Variants in OR1A1 observed in about 807,000 individuals in gnomAD.
OR1A1 encodes olfactory receptor 1A1.
For missense variants in OR1A1, 391 were observed against 379.9 expected (o/e 1.03, Z -0.24); for synonymous variants, 145 against 147.8 (o/e 0.98, Z 0.13).
At chr17:3,214,976 T>A (rs1260683895) in intron 3 of OR1A1, 1 of 152,290 alleles carries the variant, frequency 6.6e-6, no homozygotes, top group African/African-American at 2.4e-5. Flanking sequence ...AATGCACTGG[T>A]CCCTGTGATT....
intron 2 of OR1A1, 110 bp from the exon 3 acceptor site, chr17:3,212,357 T>C (rs1303855021): frequency 1.3e-5 from 2 of 152,186 alleles, no homozygotes; most frequent in East Asian, 3.9e-4. Context: ...TTTATTCTTG[T>C]TTCTCACACT....
Position 3,216,128 on chromosome 17 carries a change from G to C in OR1A1, c.508G>C (p.Gly170Arg), listed in dbSNP as rs1231635798. Reference protein sequence around the residue: ...TLLTASLSFCGNQEVANFYCD... With the variant: ...TLLTASLSFCRNQEVANFYCD... The stretch of plus-strand genomic sequence containing the variant: ...GCTCACAGCTAGTCTGTCCTTCTGT[G>C]GCAACCAGGAAGTGGCCAACTTCTA... Residue 170 changes from glycine to arginine, a missense_variant, in exon 4 of 4, where the codon GGC becomes CGC. Physicochemically the swap from Gly to Arg is moderately radical, Grantham distance 125. Transcript: ENST00000641732. 1 of 1,614,102 alleles carries C rather than the reference G, an allele frequency of 6.2e-7. No homozygotes were observed. The highest frequency in any genetic ancestry group is 2.2e-5 in the East Asian group (1 of 44,882).
rs371525752 is a variant in OR1A1 at position 3,216,357 on chromosome 17, T to C, written c.737T>C (p.Val246Ala). 1.1e-5 allele frequency: 17 copies of C among 1,614,104 alleles called. No homozygotes were observed. In the African/African-American group the frequency reaches 2.0e-4, roughly 19 times the overall value. ...TCCACCTGTGGTTCCCACCTCACGG[T>C]TGTCTCTTTGTATTATGGTACAGTC... ...AFSTCGSHLT[V>A]VSLYYGTVMG... Residue 246 changes from valine (V) to alanine (A), a missense_variant, in exon 4 of 4, where the codon GTT becomes GCT. Val to Ala is a moderately conservative substitution (Grantham distance 64, BLOSUM62 0). Transcript: ENST00000641732.
rs1281598928 is a variant in OR1A1, at chr17:3,216,363, C to G, written c.743C>G (p.Ser248Cys). The change falls in exon 4 of 4, where the codon TCT (serine) becomes TGT (cysteine). Residue 248 changes from serine (S) to cysteine (C), a missense_variant. Transcript: ENST00000641732. ...TGTGGTTCCCACCTCACGGTTGTCT[C>G]TTTGTATTATGGTACAGTCATGGGC... ...STCGSHLTVV[S>C]LYYGTVMGTY... 6.2e-7 allele frequency: 1 copy of G among 1,614,176 alleles called. No homozygotes were observed. The highest frequency in any genetic ancestry group is 1.3e-5 in the African/African-American group (1 of 75,036).
At position 3,215,845 on chromosome 17, in the gene OR1A1, G is replaced by A. The variant is rs113780617; in HGVS notation, c.225G>A (p.Ser75=). Residue 75 remains serine, a synonymous_variant, in exon 4 of 4, where the codon TCG becomes TCA. Transcript: ENST00000641732. ...NLSLVDIFFS[S]VTIPKMLANH... The stretch of plus-strand genomic sequence containing the variant: ...CCTTGGTTGACATCTTCTTCTCATC[G>A]GTAACCATCCCTAAGATGCTGGCCA... 36 of 1,613,872 alleles carry A rather than the reference G, an allele frequency of 2.2e-5. 1 individual carries two copies. Among genetic ancestry groups the A allele is most frequent in the Middle Eastern group, 1.6e-4 (1 of 6,082 alleles).
chr17:3,214,973 T>G (rs1206421171), intron 3 of OR1A1: 1 of 152,270 alleles, frequency 6.6e-6, no homozygotes, highest in Non-Finnish European at 1.5e-5. Context: ...CTAAATGCAC[T>G]GGTCCCTGTG....
chr17:3,209,791 T>C (rs532345632), intron 2 of OR1A1, among the ~76,000 whole-genome samples: 53 of 152,296 alleles, frequency 3.5e-4, no homozygotes, highest in African/African-American at 1.2e-3. Context: ...ATATTACAGA[T>C]ACACTTGAAA....
rs2048472891 is a variant in OR1A1 at position 3,216,842 on chromosome 17, T to C, written c.*292T>C. On this transcript the variant is annotated 3_prime_UTR_variant, in exon 4 of 4. Coordinates refer to ENST00000641732, the MANE Select transcript of OR1A1 (RefSeq NM_014565.3). ...CTGAGCCTCAGCTTTCACATCTACA[T>C]GTTAGGAATAATAAGTGCCCTACAT... is the stretch of plus-strand genomic sequence containing the variant. 1 of 303,168 alleles carries C rather than the reference T, an allele frequency of 3.3e-6. No individual in the cohort carries two copies. The highest frequency in any genetic ancestry group is 6.1e-6 in the Non-Finnish European group (1 of 163,164). 18.8% of individuals were successfully genotyped at this position (303,168 alleles called of 1,614,324 possible).
At position 3,216,917 on chromosome 17, in the gene OR1A1, A is replaced by C; in HGVS notation, c.*367A>C. ...ATAGCTCATGCTTCCAAGATTATAAATCACTATTCATGTGTCCATTTTTAT... is the reference window on the plus strand; with the variant it reads ...ATAGCTCATGCTTCCAAGATTATAACTCACTATTCATGTGTCCATTTTTAT... On this transcript the variant is annotated 3_prime_UTR_variant, in exon 4 of 4. Transcript: ENST00000641732. 1 of 178,846 alleles carries C rather than the reference A, an allele frequency of 5.6e-6. No homozygotes were observed. Among genetic ancestry groups the C allele is most frequent in the African/African-American group, 2.4e-5 (1 of 42,298 alleles). The allele number at this position is 178,846 out of a possible 1,614,324, so 11.1% of individuals were successfully genotyped here.
chr17:3,217,840 G>A lies in OR1A1; in HGVS notation c.*1290G>A, dbSNP rs1057446343. On this transcript the variant is annotated 3_prime_UTR_variant, in exon 4 of 4. Coordinates refer to ENST00000641732, the MANE Select transcript of OR1A1 (RefSeq NM_014565.3). ...CATAAAAACCTTAGAAGAAAACGTA[G>A]GCAATACCATTCAGGACATAGGCAT... 15 of 152,150 alleles carry A rather than the reference G, an allele frequency of 9.9e-5. No homozygotes were observed. Among genetic ancestry groups the A allele is most frequent in the African/African-American group, 3.6e-4 (15 of 41,416 alleles). 9.4% of individuals were successfully genotyped at this position (152,150 alleles called of 1,614,324 possible).
chr17:3,217,984 C>G lies in OR1A1; in HGVS notation c.*1434C>G, dbSNP rs1381910431. 1 of 152,132 alleles carries G rather than the reference C, an allele frequency of 6.6e-6. No homozygotes were observed. The highest frequency in any genetic ancestry group is 6.5e-5 in the Admixed American group (1 of 15,272). 9.4% of individuals were successfully genotyped at this position (152,132 alleles called of 1,614,324 possible). A position where few individuals can be genotyped will look rare whatever the true frequency, so the allele number is the denominator to read the frequency against. ...CAAAAGAAACTATCATCAGAGTGAA[C>G]AGGCAACCTACAGAATGGGAGAAAA... On this transcript the variant is annotated 3_prime_UTR_variant, in exon 4 of 4. Transcript: ENST00000641732.
At position 3,217,301 on chromosome 17, in the gene OR1A1, T is replaced by G. The variant is rs1347763435; in HGVS notation, c.*751T>G. The G allele has an allele frequency of 6.6e-6, 1 of 152,144 alleles. No individual in the cohort carries two copies. The highest frequency in any genetic ancestry group is 2.4e-5 in the African/African-American group (1 of 41,414). 9.4% of individuals were successfully genotyped at this position (152,144 alleles called of 1,614,324 possible). On this transcript the variant is annotated 3_prime_UTR_variant, in exon 4 of 4. Coordinates refer to ENST00000641732, the MANE Select transcript of OR1A1 (RefSeq NM_014565.3). ...GAGGACAAAAACAAATGGAAAAACA[T>G]TCCATCCTCTTTTATACAAAGAATC...
intron 2 of OR1A1, among the ~76,000 whole-genome samples, chr17:3,211,439 A>G (rs1445255006): frequency 6.6e-6 from 1 of 151,840 alleles, no homozygotes; most frequent in Non-Finnish European, 1.5e-5. Context: ...AGTTTCAAGC[A>G]ATTCTCTTGC....
rs1020756406 is a variant in OR1A1 at position 3,208,980 on chromosome 17, T to G, written c.-157T>G. 3 of 152,184 alleles carry G rather than the reference T, an allele frequency of 2.0e-5. No individual in the cohort carries two copies. The highest frequency in any genetic ancestry group is 7.2e-5 in the African/African-American group (3 of 41,446). The allele number at this position is 152,184 out of a possible 1,614,324, so 9.4% of individuals were successfully genotyped here. On this transcript the variant is annotated 5_prime_UTR_variant, in exon 2 of 4. In the 5' UTR this introduces an upstream ATG that the reference lacks. Transcript: ENST00000641732. ...AACAACAGAAGCTCATCATCTAGAT[T>G]ATACAAATGGAACATTAGGTATTTG...
At position 3,216,218 on chromosome 17, in the gene OR1A1, T is replaced by C. The variant is rs574833547; in HGVS notation, c.598T>C (p.Tyr200His). 31 of 1,614,230 alleles carry C rather than the reference T, an allele frequency of 1.9e-5. No individual in the cohort carries two copies. The East Asian group carries it at 3.3e-4, about 17-fold the overall frequency. Residue 200 changes from tyrosine (Y) to histidine (H), a missense_variant, in exon 4 of 4, where the codon TAC becomes CAC. Coordinates refer to ENST00000641732, the MANE Select transcript of OR1A1 (RefSeq NM_014565.3). ...CATCCACTTTCATGTGAAGATGATG[T>C]ACCTAGGGGTTGGCATTTTCTCTGT... Reference protein sequence around the residue: ...SDIHFHVKMMYLGVGIFSVPL... With the variant: ...SDIHFHVKMMHLGVGIFSVPL...
intron 3 of OR1A1, chr17:3,214,551 GA>G (rs2048457778): frequency 8.2e-6 from 1 of 122,062 alleles, no homozygotes; most frequent in Non-Finnish European, 1.8e-5. Flanking sequence ...AAAAAAAAAA[GA>G]AAATATTCCA....
chr17:3,216,501 A>C lies in OR1A1; in HGVS notation c.881A>C (p.Asp294Ala), dbSNP rs745469696. The change falls in exon 4 of 4, where the codon GAC becomes GCC. Residue 294 changes from aspartate (D) to alanine (A), a missense_variant. Coordinates refer to ENST00000641732, the MANE Select transcript of OR1A1 (RefSeq NM_014565.3). Reference sequence around the variant, plus strand: ...TTCATCTACAGTCTGAGAAATCGGGACATGAAGGCTGCCCTGCGGAAACTC... The same window carrying C: ...TTCATCTACAGTCTGAGAAATCGGGCCATGAAGGCTGCCCTGCGGAAACTC... ...NPFIYSLRNR[D>A]MKAALRKLFN... The C allele has an allele frequency of 1.1e-5, 17 of 1,614,080 alleles. No individual in the cohort carries two copies. The highest frequency in any genetic ancestry group is 1.4e-5 in the Non-Finnish European group (17 of 1,179,968).
chr17:3,216,537 G>C lies in OR1A1; in HGVS notation c.917G>C (p.Arg306Thr). 1.2e-6 allele frequency: 2 copies of C among 1,610,990 alleles called. No individual in the cohort carries two copies. The highest frequency in any genetic ancestry group is 2.2e-5 in the South Asian group (2 of 90,854). ...GCCCTGCGGAAACTCTTCAACAAGA[G>C]AATCTCCTCGTAACCAATGTGAGGG... ...KAALRKLFNK[R>T]ISS The change falls in exon 4 of 4, where the codon AGA becomes ACA. Residue 306 changes from arginine (R) to threonine (T), a missense_variant. By Grantham distance (71) the Arg-to-Thr change is moderately conservative (BLOSUM62 -1). Transcript: ENST00000641732.
Position 3,216,251 on chromosome 17 carries a change from C to G in OR1A1, c.631C>G (p.Leu211Val), listed in dbSNP as rs779479562. ...LGVGIFSVPL[L>V]CIIVSYIRVF... Reference sequence around the variant, plus strand: ...GGTTGGCATTTTCTCTGTGCCATTACTATGCATCATTGTCTCCTATATTCG... The same window carrying G: ...GGTTGGCATTTTCTCTGTGCCATTAGTATGCATCATTGTCTCCTATATTCG... The change falls in exon 4 of 4, where the codon CTA (leucine) becomes GTA (valine). Residue 211 changes from leucine (L) to valine (V), a missense_variant. Coordinates refer to ENST00000641732, the MANE Select transcript of OR1A1 (RefSeq NM_014565.3). The G allele has an allele frequency of 6.2e-7, 1 of 1,614,076 alleles. No individual in the cohort carries two copies. Among genetic ancestry groups the G allele is most frequent in the African/African-American group, 1.3e-5 (1 of 74,926 alleles).
Sources: gnomAD v4.1 joint callset for allele counts (sites outside exome capture counted in the v4.1 genomes callset) on GRCh38, gnomAD v4.1.1 for gene constraint, MANE v1.5 for transcripts, NCBI Gene and HGNC (gene_info 2026-07-23, HGNC 2026-07-21) for gene names.